TYW1: variants seen among roughly 807,000 people sequenced by gnomAD.
TYW1 encodes S-adenosyl-L-methionine-dependent tRNA 4-demethylwyosine synthase TYW1.
In TYW1, 46 loss-of-function variants were observed where a neutral mutation model predicts 96.2. That is an observed-to-expected ratio of 0.48 (90% CI 0.38 to 0.61). The LOEUF is 0.61. TYW1 is among the 20% of genes least tolerant of loss of function. The probability of loss-of-function intolerance (pLI) is 0.00; values close to 1 mark genes in which losing one functional copy is unlikely to be tolerated. For synonymous variants in TYW1, 274 were observed against 323.0 expected (o/e 0.85, Z 1.63); for missense variants, 684 against 909.6 (o/e 0.75, Z 3.19).
At chr7:67,207,662 C>T (rs1349674272) in intron 15 of TYW1, among the ~76,000 whole-genome samples, 2 of 133,318 alleles carry the variant, frequency 1.5e-5, no homozygotes, top group African/African-American at 2.8e-5. Flanking sequence ...TGTTTATCTA[C>T]TTCACAAATT....
At chr7:67,134,732 A>G (rs1330924024) in intron 13 of TYW1, among the ~76,000 whole-genome samples, 1 of 150,480 alleles carries the variant, frequency 6.6e-6, no homozygotes, top group Non-Finnish European at 1.5e-5. Flanking sequence ...AACTGTATAA[A>G]AACTCAGAAT....
intron 9 of TYW1, 67 bp from the exon 10 acceptor site, chr7:67,067,218 T>C: frequency 6.7e-7 from 1 of 1,487,298 alleles, no homozygotes; most frequent in South Asian, 1.1e-5. Flanking sequence ...TTAAAAATGA[T>C]GCCTTGGTGG....
intron 3 of TYW1, among the ~76,000 whole-genome samples, chr7:66,999,614 A>G (rs968839216): frequency 6.6e-6 from 1 of 152,186 alleles, no homozygotes; most frequent in African/African-American, 2.4e-5. Context: ...TCGGCCTCCC[A>G]AAGTGCTGGG....
intron 13 of TYW1, among the ~76,000 whole-genome samples, chr7:67,171,285 C>G (rs1436929161): frequency 1.3e-5 from 2 of 151,994 alleles, no homozygotes; most frequent in African/African-American, 4.8e-5. Flanking sequence ...TCTTCTTTTT[C>G]TTAGTCTAGC....
chr7:67,059,096 GTTTTTT>G, intron 9 of TYW1, among the ~76,000 whole-genome samples: 1 of 124,604 alleles, frequency 8.0e-6, no homozygotes, highest in African/African-American at 2.9e-5. Context: ...TGAAGACAAA[GTTTTTT>G]TTTTTTTTTT....
At chr7:67,034,540 T>C (rs1158626658) in intron 7 of TYW1, among the ~76,000 whole-genome samples, 2 of 152,122 alleles carry the variant, frequency 1.3e-5, no homozygotes, top group African/African-American at 4.8e-5. Context: ...AGGTATTTTA[T>C]TGCCTTTTAT....
intron 15 of TYW1, among the ~76,000 whole-genome samples, chr7:67,229,366 C>G (rs752636999): frequency 3.3e-5 from 5 of 150,784 alleles, no homozygotes; most frequent in Non-Finnish European, 5.9e-5. Context: ...AGCGAAACCC[C>G]ATTTCTACTA....
chr7:67,049,318 G>T (rs145556819), intron 7 of TYW1, among the ~76,000 whole-genome samples: 1 of 152,266 alleles, frequency 6.6e-6, no homozygotes, highest in African/African-American at 2.4e-5. Context: ...GCTAAAGTAA[G>T]GCAGCTATCT....
intron 4 of TYW1, among the ~76,000 whole-genome samples, chr7:67,011,080 C>G (rs911044884): frequency 1.4e-4 from 22 of 152,076 alleles, no homozygotes; most frequent in Admixed American, 5.9e-4. Context: ...TCTTGTTGCC[C>G]AGGCTGGAGT....
intron 7 of TYW1, among the ~76,000 whole-genome samples, chr7:67,033,457 G>A (rs947400250): frequency 2.0e-5 from 3 of 152,200 alleles, no homozygotes; most frequent in Non-Finnish European, 4.4e-5. Context: ...GGCGGCAGCC[G>A]TACGTCAATC....
chr7:67,068,380 A>G (rs1166806159), intron 10 of TYW1, among the ~76,000 whole-genome samples: 1 of 152,202 alleles, frequency 6.6e-6, no homozygotes, highest in East Asian at 1.9e-4. Flanking sequence ...CTAGTTCTCT[A>G]TGCCAACTCA....
At chr7:66,998,294 T>G (rs1436331122) in intron 2 of TYW1, 99 bp downstream of exon 2, 8 of 1,432,618 alleles carry the variant, frequency 5.6e-6, no homozygotes, top group Non-Finnish European at 7.4e-6. Context: ...TTGTGTTTGG[T>G]CTTTAGACAT....
chr7:67,005,799 A>C (rs898110301), intron 3 of TYW1, among the ~76,000 whole-genome samples: 9 of 152,134 alleles, frequency 5.9e-5, no homozygotes, highest in African/African-American at 9.7e-5. Context: ...CCTTCATTCA[A>C]GAGTCAATGC....
At chr7:67,127,410 T>C (rs1797942287) in intron 13 of TYW1, among the ~76,000 whole-genome samples, 1 of 152,128 alleles carries the variant, frequency 6.6e-6, no homozygotes, top group Non-Finnish European at 1.5e-5. Flanking sequence ...TCCACCTGGC[T>C]CGGCCTCCCA....
At chr7:67,073,635 G>C (rs575098846) in intron 10 of TYW1, among the ~76,000 whole-genome samples, 52 of 151,688 alleles carry the variant, frequency 3.4e-4, no homozygotes, top group African/African-American at 1.3e-3. Context: ...TTAGCTGGGC[G>C]TGGTGGCAGG....
chr7:67,059,096 G>GTTTTTT (rs557933957), intron 9 of TYW1, among the ~76,000 whole-genome samples: 2 of 124,638 alleles, frequency 1.6e-5, no homozygotes, highest in African/African-American at 5.9e-5. Context: ...TGAAGACAAA[G>GTTTTTT]TTTTTTTTTT....
At chr7:67,196,799 G>A (rs1800409751) in intron 15 of TYW1, among the ~76,000 whole-genome samples, 1 of 151,742 alleles carries the variant, frequency 6.6e-6, no homozygotes, top group Admixed American at 6.6e-5. Context: ...TTTCCCATGA[G>A]GATAGGGGAA....
Position 67,239,066 on chromosome 7 carries a change from T to A in TYW1, c.*537T>A. On this transcript the variant is annotated 3_prime_UTR_variant, in exon 16 of 16. Transcript: ENST00000359626. ...GTTGTCACAACTCTCAATTATTTTT[T>A]AAATACTGCATAGATTGAGTTTTGG... The A allele has an allele frequency of 2.0e-6, 2 of 988,368 alleles. No homozygotes were observed. The highest frequency in any genetic ancestry group is 1.2e-6 in the Non-Finnish European group (1 of 831,494). 61.2% of individuals were successfully genotyped at this position (988,368 alleles called of 1,614,324 possible).
rs1480211193 is a variant in TYW1 at position 67,225,628 on chromosome 7, T to G, written c.1978-12680T>G. Among the ~76,000 whole-genome samples, 5 of 152,148 alleles carry G rather than the reference T, an allele frequency of 3.3e-5. No individual in the cohort carries two copies. The East Asian group carries it at 9.6e-4, about 29-fold the overall frequency. On this transcript the variant is annotated intron_variant, in intron 15 of 15. Transcript: ENST00000359626. Reference sequence around the variant, plus strand: ...CAAAACCTAGTGACTGTGGTACATGTGGAACTCACCCTCATCAGAGGCCTG... The same window carrying G: ...CAAAACCTAGTGACTGTGGTACATGGGGAACTCACCCTCATCAGAGGCCTG...
Sources: gnomAD v4.1 joint callset for allele counts (sites outside exome capture counted in the v4.1 genomes callset) on GRCh38, gnomAD v4.1.1 for gene constraint, MANE v1.5 for transcripts, NCBI Gene and HGNC (gene_info 2026-07-23, HGNC 2026-07-21) for gene names.